Variants in SIRT5 observed in about 807,000 individuals in gnomAD.
The protein encoded by SIRT5 is NAD-dependent protein deacylase sirtuin-5, mitochondrial.
A neutral mutation model predicts 40.0 loss-of-function variants in SIRT5; 26 were observed. That is an observed-to-expected ratio of 0.65 (90% CI 0.48 to 0.90). SIRT5 has a LOEUF of 0.90. Ranked by LOEUF, SIRT5 falls within the 40% of genes least tolerant of loss-of-function variation. The pLI is 0.00. For synonymous variants in SIRT5, 146 were observed against 149.1 expected (o/e 0.98, Z 0.15); for missense variants, 401 against 402.4 (o/e 1.00, Z 0.03).
intron 7 of SIRT5, among the ~76,000 whole-genome samples, chr6:13,597,330 A>T (rs1408742303): frequency 1.3e-5 from 2 of 151,894 alleles, no homozygotes; most frequent in African/African-American, 2.4e-5. Flanking sequence ...GCTGACCTGT[A>T]ACTGGTCAAA....
intron 4 of SIRT5, among the ~76,000 whole-genome samples, chr6:13,589,792 G>A (rs897620211): frequency 9.9e-5 from 15 of 152,222 alleles, no homozygotes; most frequent in African/African-American, 3.4e-4. Flanking sequence ...AGCAGAGGGT[G>A]GGAGGTCAGA....
chr6:13,581,827 C>T (rs888449879), intron 2 of SIRT5, among the ~76,000 whole-genome samples: 52 of 152,152 alleles, frequency 3.4e-4, no homozygotes, highest in Admixed American at 1.8e-3. Flanking sequence ...TCAGTAATCA[C>T]GTCTGAACTG....
In SIRT5 at chr6:13,608,973, C is replaced by A. The variant is rs562675790; in HGVS notation, c.858-2817C>A. On this transcript the variant is annotated intron_variant, in intron 9 of 9. Coordinates refer to ENST00000606117, the MANE Select transcript of SIRT5 (RefSeq NM_012241.5). ...AGTAGTTGGGATCACAGGTGCCTGC[C>A]ACCACGACCAGCTAATTTTTGTATT... Among the ~76,000 whole-genome samples, 9 of 152,210 alleles carry A rather than the reference C, an allele frequency of 5.9e-5. No individual in the cohort carries two copies. The East Asian group carries it at 1.5e-3, about 26-fold the overall frequency.
rs72829104 is a variant in SIRT5 at position 13,594,021 on chromosome 6, C to T, written c.476-1456C>T. Among the ~76,000 whole-genome samples the T allele has an allele frequency of 6.7e-3, 1,013 of 152,250 alleles. 6 individuals carry two copies. Among genetic ancestry groups the T allele is most frequent in the Non-Finnish European group, 0.011 (776 of 68,016 alleles). ...TCATCCAAGCTCCTGACACACCTTC[C>T]GCAAGTTCGCTATTGGGCCTGACAT... On this transcript the variant is annotated intron_variant, in intron 5 of 9. Transcript: ENST00000606117.
intron 1 of SIRT5, among the ~76,000 whole-genome samples, chr6:13,575,948 C>T (rs1050622311): frequency 1.3e-5 from 2 of 152,172 alleles, no homozygotes; most frequent in Admixed American, 6.5e-5. Flanking sequence ...GGCCTCATGT[C>T]CTCCAGGTTC....
Position 13,613,285 on chromosome 6 carries a change from C to T in SIRT5, c.*1420C>T, listed in dbSNP as rs575737672. On this transcript the variant is annotated 3_prime_UTR_variant, in exon 10 of 10. Coordinates refer to ENST00000606117, the MANE Select transcript of SIRT5 (RefSeq NM_012241.5). ...CTTAAGTTATTTCTGTCAGGTACAT[C>T]TTCCATACACTTTACTACCTTGGAG... is the stretch of plus-strand genomic sequence containing the variant. The T allele has an allele frequency of 5.3e-4, 81 of 152,342 alleles. No homozygotes were observed. Among genetic ancestry groups the T allele is most frequent in the Non-Finnish European group, 1.3e-4 (9 of 68,042 alleles). The allele number at this position is 152,342 out of a possible 1,614,324, so 9.4% of individuals were successfully genotyped here.
chr6:13,607,948 C>T lies in SIRT5; in HGVS notation c.858-3842C>T, dbSNP rs11962195. Reference sequence around the variant, plus strand: ...TTTTGTATTTTTTTTTTAGTAGAGACGGGTTTTCACCACATTGCCCAGGCT... The same window carrying T: ...TTTTGTATTTTTTTTTTAGTAGAGATGGGTTTTCACCACATTGCCCAGGCT... On this transcript the variant is annotated intron_variant, in intron 9 of 9. Transcript: ENST00000606117. This position sits in a 1 kb window ranked among gnomAD's most constrained non-coding sequence, Gnocchi z 4.0. Among the ~76,000 whole-genome samples the T allele has an allele frequency of 0.018, 2,794 of 152,050 alleles. 78 individuals are homozygous for T. Among genetic ancestry groups the T allele is most frequent in the African/African-American group, 0.062 (2,560 of 41,446 alleles).
intron 3 of SIRT5, among the ~76,000 whole-genome samples, chr6:13,587,346 C>T (rs767865144): frequency 6.6e-6 from 1 of 152,190 alleles, no homozygotes; most frequent in African/African-American, 2.4e-5. Context: ...TGCAGAGCTG[C>T]GGTGCCTAGG....
At chr6:13,599,516 A>G (rs1584823872) in intron 8 of SIRT5, among the ~76,000 whole-genome samples, 1 of 152,372 alleles carries the variant, frequency 6.6e-6, no homozygotes, top group East Asian at 1.9e-4. Flanking sequence ...CACATTATAA[A>G]GAGGAAATTA....
intron 7 of SIRT5, among the ~76,000 whole-genome samples, chr6:13,597,919 C>T (rs975411227): frequency 2.0e-5 from 3 of 151,814 alleles, no homozygotes; most frequent in Non-Finnish European, 2.9e-5. Flanking sequence ...TTTAATGTTA[C>T]GTTGAGACAT....
intron 2 of SIRT5, among the ~76,000 whole-genome samples, chr6:13,582,332 T>G (rs1005780475): frequency 7.9e-5 from 12 of 152,192 alleles, no homozygotes; most frequent in African/African-American, 2.9e-4. Context: ...CCCCTTGCCT[T>G]TCTCTTACAA....
rs1217290595 is a variant in SIRT5, at chr6:13,578,635, A to G, written c.-194-816A>G. Among the ~76,000 whole-genome samples the G allele has an allele frequency of 3.3e-5, 5 of 151,590 alleles. No individual in the cohort carries two copies. In the South Asian group the frequency reaches 1.0e-3, roughly 32 times the overall value. ...CCATCTCAAAAAAAAAAAAAAAAAAAAAGAAAATAATTGGTATTAGTTCTG... is the reference window on the plus strand; with the variant it reads ...CCATCTCAAAAAAAAAAAAAAAAAAGAAGAAAATAATTGGTATTAGTTCTG... On this transcript the variant is annotated intron_variant, in intron 1 of 9. Coordinates refer to ENST00000606117, the MANE Select transcript of SIRT5 (RefSeq NM_012241.5).
intron 1 of SIRT5, among the ~76,000 whole-genome samples, chr6:13,578,565 G>A (rs543159080): frequency 1.3e-5 from 2 of 150,070 alleles, no homozygotes; most frequent in Non-Finnish European, 3.0e-5. Flanking sequence ...TGCAGTAAGT[G>A]GAGACGGCGC....
At position 13,588,346 on chromosome 6, in the gene SIRT5, GA is replaced by G; in HGVS notation, c.134del (p.Lys45SerfsTer9). ...ARPSSSMADF[R>X]KFFAKAKHIV... The stretch of plus-strand genomic sequence containing the variant: ...CTCTGTTTAGGTATGGCAGATTTTC[GA>G]AAGTTTTTTGCAAAAGCAAAGCACA... On this transcript the variant is annotated frameshift_variant, in exon 4 of 10. Transcript: ENST00000606117. LOFTEE classifies it high-confidence loss of function. 6.2e-7 allele frequency: 1 copy of G among 1,613,820 alleles called. No homozygotes were observed. Among genetic ancestry groups the G allele is most frequent in the Non-Finnish European group, 8.5e-7 (1 of 1,179,896 alleles).
intron 8 of SIRT5, 21 bp downstream of exon 8, chr6:13,599,176 A>G (rs762218433): frequency 6.2e-7 from 1 of 1,610,350 alleles, no homozygotes; most frequent in South Asian, 1.1e-5. Flanking sequence ...CCCTTCCCTA[A>G]CCCCAGGACA....
intron 3 of SIRT5, among the ~76,000 whole-genome samples, chr6:13,586,073 C>T (rs1760042160): frequency 6.6e-6 from 1 of 152,154 alleles, no homozygotes; most frequent in Admixed American, 6.5e-5. Context: ...GTCCTTTGCC[C>T]ACTTTTTGAT....
At position 13,577,281 on chromosome 6, in the gene SIRT5, C is replaced by T. The variant is rs187832186; in HGVS notation, c.-194-2170C>T. ...AACAACCATTAATTTTTCTAATCCG[C>T]GAACATGGGATACCTTTTTACTTAT... is the stretch of plus-strand genomic sequence containing the variant. On this transcript the variant is annotated intron_variant, in intron 1 of 9. Transcript: ENST00000606117. Among the ~76,000 whole-genome samples, 254 of 152,224 alleles carry T rather than the reference C, an allele frequency of 1.7e-3. 1 individual carries two copies. The highest frequency in any genetic ancestry group is 7.9e-3 in the South Asian group (38 of 4,824).
At chr6:13,578,029 T>G (rs1234386611) in intron 1 of SIRT5, among the ~76,000 whole-genome samples, 1 of 152,220 alleles carries the variant, frequency 6.6e-6, no homozygotes, top group Non-Finnish European at 1.5e-5. Flanking sequence ...TGTTGAATTT[T>G]GTCACATGTT....
chr6:13,599,977 C>G (rs1265084161), intron 8 of SIRT5, among the ~76,000 whole-genome samples: 2 of 152,166 alleles, frequency 1.3e-5, no homozygotes, highest in Non-Finnish European at 2.9e-5. Context: ...TTTCAATTGA[C>G]TGTATGGTGT....
Sources: gnomAD v4.1 joint callset for allele counts (sites outside exome capture counted in the v4.1 genomes callset) on GRCh38, gnomAD v4.1.1 for gene constraint, Gnocchi (gnomAD v3.1) non-coding constraint, MANE v1.5 for transcripts, NCBI Gene and HGNC (gene_info 2026-07-23, HGNC 2026-07-21) for gene names.